The following PPP2R5E variants were observed in gnomAD, a reference collection of about 807,000 sequenced individuals.
PPP2R5E encodes the protein protein phosphatase 2 regulatory subunit B'epsilon, also known as serine/threonine-protein phosphatase 2A 56 kDa regulatory subunit epsilon isoform.
A neutral mutation model predicts 65.3 loss-of-function variants in PPP2R5E; 4 were observed. That is an observed-to-expected ratio of 0.06 (90% CI 0.03 to 0.14). The LOEUF (loss-of-function observed/expected upper bound fraction) is 0.14. Ranked by LOEUF, PPP2R5E falls within the 10% of genes least tolerant of loss-of-function variation. PPP2R5E has a pLI of 1.00. For missense variants in PPP2R5E, 274 were observed against 556.1 expected (o/e 0.49, Z 5.10); for synonymous variants, 183 against 187.4 (o/e 0.98, Z 0.19).
intron 5 of PPP2R5E, among the ~76,000 whole-genome samples, chr14:63,403,567 A>C (rs990229873): frequency 2.0e-5 from 3 of 151,636 alleles, no homozygotes; most frequent in African/African-American, 7.3e-5. Context: ...AAGTGCTGGG[A>C]TGACTGTGTG....
intron 3 of PPP2R5E, among the ~76,000 whole-genome samples, chr14:63,422,343 G>A (rs548185661): frequency 1.3e-5 from 2 of 152,212 alleles, no homozygotes; most frequent in African/African-American, 2.4e-5. Flanking sequence ...TCCCTCCCTA[G>A]GTCCCCATGA....
intron 2 of PPP2R5E, among the ~76,000 whole-genome samples, chr14:63,466,092 C>T (rs1889778669): frequency 6.6e-6 from 1 of 152,166 alleles, no homozygotes; most frequent in Admixed American, 6.5e-5. Context: ...CAAGAGATTA[C>T]TTCTAAAGGG....
At chr14:63,521,932 C>T (rs1892921584) in intron 2 of PPP2R5E, among the ~76,000 whole-genome samples, 1 of 148,400 alleles carries the variant, frequency 6.7e-6, no homozygotes, top group Non-Finnish European at 1.5e-5. Flanking sequence ...ACAAAGGTTA[C>T]ACGCTGCCCT....
rs375957772 is a variant in PPP2R5E, at chr14:63,477,831, A to C, written c.158-23946T>G. On this transcript the variant is annotated intron_variant, in intron 2 of 13. Transcript: ENST00000337537. ...CTGGAATGATACAGAGAAGATTAGC[A>C]TGACCTCTTTTAAGAGAAAAAAATT... Among the ~76,000 whole-genome samples the C allele has an allele frequency of 7.0e-3, 1,056 of 151,870 alleles. 14 individuals are homozygous for C. Among genetic ancestry groups the C allele is most frequent in the South Asian group, 0.043 (206 of 4,822 alleles).
At chr14:63,460,839 T>C (rs74060539) in intron 2 of PPP2R5E, among the ~76,000 whole-genome samples, 2,602 of 152,274 alleles carry the variant, frequency 0.017, 72 homozygotes, top group African/African-American at 0.059. Context: ...TCGTGTTATT[T>C]TGACACTATG....
At chr14:63,453,057 T>C (rs1463997380) in intron 3 of PPP2R5E, 1 of 152,196 alleles carries the variant, frequency 6.6e-6, no homozygotes, top group Non-Finnish European at 1.5e-5. Flanking sequence ...ACATTTTGGC[T>C]CAGCTTTTGA....
Position 63,373,657 on chromosome 14 carries a change from T to A in PPP2R5E, c.*2352A>T, listed in dbSNP as rs1883815967. The A allele has an allele frequency of 2.0e-5, 3 of 152,200 alleles. No individual in the cohort carries two copies. Among genetic ancestry groups the A allele is most frequent in the Non-Finnish European group, 4.4e-5 (3 of 68,052 alleles). 9.4% of individuals were successfully genotyped at this position (152,200 alleles called of 1,614,324 possible). A position where few individuals can be genotyped will look rare whatever the true frequency, so the allele number is the denominator to read the frequency against. ...AAATTGACATCAAGGAGGAGAGCTG[T>A]AAGTGTTCACCTTTACTCTTGAAGA... On this transcript the variant is annotated 3_prime_UTR_variant, in exon 14 of 14. Coordinates refer to ENST00000337537, the MANE Select transcript of PPP2R5E (RefSeq NM_006246.5).
Position 63,419,083 on chromosome 14 carries a change from G to A in PPP2R5E, c.456+2910C>T, listed in dbSNP as rs151243977. ...GCTGCTCTCAAACTCCTGGCTTCAA[G>A]TGATCCACCCGCCTTGGCCTTCCAA... On this transcript the variant is annotated intron_variant, in intron 4 of 13. Coordinates refer to ENST00000337537, the MANE Select transcript of PPP2R5E (RefSeq NM_006246.5). Among the ~76,000 whole-genome samples, 417 of 152,268 alleles carry A rather than the reference G, an allele frequency of 2.7e-3. 2 individuals are homozygous for A. Among genetic ancestry groups the A allele is most frequent in the African/African-American group, 9.5e-3 (394 of 41,566 alleles).
chr14:63,380,388 C>T lies in PPP2R5E; in HGVS notation c.1304+1668G>A, dbSNP rs558998593. The stretch of plus-strand genomic sequence containing the variant: ...GAATTAAAAGTTGTTTAGGGCTGGG[C>T]GCGGTGGCTTACGCCTGTAATCCCA... On this transcript the variant is annotated intron_variant, in intron 13 of 13. Transcript: ENST00000337537. Among the ~76,000 whole-genome samples the T allele has an allele frequency of 1.0e-3, 157 of 152,006 alleles. 1 individual carries two copies. Among genetic ancestry groups the T allele is most frequent in the Non-Finnish European group, 8.5e-4 (58 of 67,976 alleles).
intron 3 of PPP2R5E, among the ~76,000 whole-genome samples, chr14:63,424,104 G>A (rs1566691525): frequency 6.6e-6 from 1 of 152,190 alleles, no homozygotes; most frequent in Non-Finnish European, 1.5e-5. Flanking sequence ...AAGGATGGTA[G>A]GGAAGACAGA....
intron 3 of PPP2R5E, among the ~76,000 whole-genome samples, chr14:63,430,695 G>A (rs553439948): frequency 1.3e-3 from 200 of 152,248 alleles, no homozygotes; most frequent in African/African-American, 4.4e-3. Context: ...AATCAGAGCA[G>A]ACAAATATCT....
chr14:63,497,492 C>G (rs1014291757), intron 2 of PPP2R5E, among the ~76,000 whole-genome samples: 1 of 152,028 alleles, frequency 6.6e-6, no homozygotes, highest in Non-Finnish European at 1.5e-5. Flanking sequence ...GTGGCTCCCC[C>G]CTGTAATTCT....
chr14:63,456,716 A>G (rs1889145934), intron 2 of PPP2R5E, among the ~76,000 whole-genome samples: 1 of 152,236 alleles, frequency 6.6e-6, no homozygotes, highest in African/African-American at 2.4e-5. Context: ...ACCCTTCACC[A>G]CTGTGCAATG....
intron 2 of PPP2R5E, among the ~76,000 whole-genome samples, chr14:63,465,148 G>A (rs903487917): frequency 2.6e-5 from 4 of 151,826 alleles, no homozygotes; most frequent in Admixed American, 6.6e-5. Context: ...GTCATCATTC[G>A]TTTGACAAAT....
intron 12 of PPP2R5E, among the ~76,000 whole-genome samples, chr14:63,383,282 T>C (rs1884474423): frequency 6.6e-6 from 1 of 152,238 alleles, no homozygotes; most frequent in South Asian, 2.1e-4. Context: ...GAAAAATGCA[T>C]TGGTAAAAAT....
chr14:63,438,865 G>A (rs1888065740), intron 3 of PPP2R5E, among the ~76,000 whole-genome samples: 1 of 152,102 alleles, frequency 6.6e-6, no homozygotes, highest in Non-Finnish European at 1.5e-5. Flanking sequence ...ATTATTACTA[G>A]AGTTGGGGAC....
chr14:63,473,924 G>A (rs73274685), intron 2 of PPP2R5E, among the ~76,000 whole-genome samples: 8,158 of 152,240 alleles, frequency 0.054, 581 homozygotes, highest in African/African-American at 0.17. Context: ...TCCGGATTCA[G>A]TAAAGAATCA....
chr14:63,428,036 A>C (rs1219108551), intron 3 of PPP2R5E, among the ~76,000 whole-genome samples: 1 of 151,286 alleles, frequency 6.6e-6, no homozygotes, highest in African/African-American at 2.4e-5. Flanking sequence ...TCATTTTCTC[A>C]TCTCTCCTTT....
chr14:63,402,065 CATACACGTTAA>C (rs60059192), intron 5 of PPP2R5E, among the ~76,000 whole-genome samples: 3,279 of 152,250 alleles, frequency 0.022, 124 homozygotes, highest in African/African-American at 0.076. Flanking sequence ...TTGGAGACAT[CATACACGTTAA>C]GTAAAGCACT....
Sources: gnomAD v4.1 joint callset for allele counts (sites outside exome capture counted in the v4.1 genomes callset) on GRCh38, gnomAD v4.1.1 for gene constraint, MANE v1.5 for transcripts, NCBI Gene and HGNC (gene_info 2026-07-23, HGNC 2026-07-21) for gene names.